Variants in LRBA observed in about 807,000 individuals in gnomAD.
LRBA encodes LPS responsive beige-like anchor protein, also known as lipopolysaccharide-responsive and beige-like anchor protein.
A neutral mutation model predicts 330.0 loss-of-function variants in LRBA; 176 were observed. The observed-to-expected ratio is 0.53, with a 90% CI of 0.47 to 0.60. The LOEUF is 0.60. Ranked by LOEUF, LRBA falls within the 20% of genes least tolerant of loss-of-function variation. The pLI is 0.00. For missense variants in LRBA, 3,259 were observed against 3,444.8 expected (o/e 0.95, Z 1.35); for synonymous variants, 1,230 against 1,193.0 (o/e 1.03, Z -0.64).
At position 150,300,435 on chromosome 4, in the gene LRBA, C is replaced by T. The variant is rs59282048; in HGVS notation, c.8017+2190G>A. Among the ~76,000 whole-genome samples the T allele has an allele frequency of 9.4e-4, 143 of 152,042 alleles. 4 individuals carry two copies. The highest frequency in any genetic ancestry group is 3.3e-3 in the African/African-American group (138 of 41,538). On this transcript the variant is annotated intron_variant, in intron 53 of 56. Transcript: ENST00000651943. ...ACAATGAGAGGGTATAGATGAAGTA[C>T]GCTATGAAAAATATAACATTATAAT...
chr4:150,477,896 A>C (rs1756892443), intron 42 of LRBA, among the ~76,000 whole-genome samples: 1 of 152,088 alleles, frequency 6.6e-6, no homozygotes, highest in Non-Finnish European at 1.5e-5. Flanking sequence ...GAGCCAATGA[A>C]ACCCCCTTTC....
intron 48 of LRBA, among the ~76,000 whole-genome samples, chr4:150,347,645 C>CAA (rs57952007): frequency 7.5e-6 from 1 of 133,866 alleles, no homozygotes; most frequent in Non-Finnish European, 1.6e-5. Context: ...GACTCTGTCT[C>CAA]AAAAAAAAAA....
intron 40 of LRBA, among the ~76,000 whole-genome samples, chr4:150,543,905 A>G (rs959917421): frequency 2.0e-5 from 3 of 152,148 alleles, no homozygotes; most frequent in Non-Finnish European, 2.9e-5. Flanking sequence ...GTTATGACCT[A>G]AAGTTATGAA....
Position 150,893,169 on chromosome 4 carries a change from T to G in LRBA, c.2068-20A>C, listed in dbSNP as rs1350303012. 6.7e-7 allele frequency: 1 copy of G among 1,495,552 alleles called. No individual in the cohort carries two copies. The highest frequency in any genetic ancestry group is 9.1e-7 in the Non-Finnish European group (1 of 1,094,096). The allele number at this position is 1,495,552 out of a possible 1,614,324, so 92.6% of individuals were successfully genotyped here. ...GTCATCCTATAATCATTTTAGAAATTTTTTTTAAAAAATGAGGAAAAAACA... is the reference window on the plus strand; with the variant it reads ...GTCATCCTATAATCATTTTAGAAATGTTTTTTAAAAAATGAGGAAAAAACA... On this transcript the variant is annotated intron_variant, in intron 16 of 56. Coordinates refer to ENST00000651943, the MANE Select transcript of LRBA (RefSeq NM_001364905.1).
At chr4:150,403,417 T>C (rs1745763406) in intron 47 of LRBA, among the ~76,000 whole-genome samples, 1 of 152,214 alleles carries the variant, frequency 6.6e-6, no homozygotes, top group African/African-American at 2.4e-5. Context: ...GACTACCAGC[T>C]GTAACTGGCA....
intron 36 of LRBA, among the ~76,000 whole-genome samples, chr4:150,696,124 G>A (rs1784596836): frequency 6.6e-6 from 1 of 152,126 alleles, no homozygotes; most frequent in Admixed American, 6.5e-5. Context: ...TAGCTACTTG[G>A]GAGGATGAGG....
intron 40 of LRBA, among the ~76,000 whole-genome samples, chr4:150,500,397 G>C (rs1264020910): frequency 6.6e-6 from 1 of 152,006 alleles, no homozygotes; most frequent in African/African-American, 2.4e-5. Flanking sequence ...CCAACATGGT[G>C]AAACCCTGTC....
intron 2 of LRBA, among the ~76,000 whole-genome samples, chr4:150,946,802 T>C (rs1579285825): frequency 6.6e-6 from 1 of 151,852 alleles, no homozygotes; most frequent in Admixed American, 6.6e-5. Flanking sequence ...AGCTAGTTCT[T>C]TGAAAAGATC....
At position 150,905,949 on chromosome 4, in the gene LRBA, G is replaced by A; in HGVS notation, c.1644C>T (p.Cys548=). 6.2e-7 allele frequency: 1 copy of A among 1,613,550 alleles called. No homozygotes were observed. The highest frequency in any genetic ancestry group is 1.3e-5 in the African/African-American group (1 of 74,998). ...TACTCAGATATTTTGAAAATGCAAG[G>A]CAAAGTTCAAGTACTGCTCTGCTAA... The part of the protein sequence containing the change: ...SHVSRAVLEL[C]LAFSKYLSNL... Residue 548 remains cysteine, a synonymous_variant, in exon 13 of 57, where the codon TGC becomes TGT. Transcript: ENST00000651943.
chr4:150,727,281 C>T (rs945131574), intron 36 of LRBA, among the ~76,000 whole-genome samples: 8 of 151,902 alleles, frequency 5.3e-5, no homozygotes, highest in African/African-American at 1.9e-4. Context: ...GCCATGTTGG[C>T]CAGGCTGGTC....
intron 31 of LRBA, among the ~76,000 whole-genome samples, chr4:150,816,508 T>C (rs981380921): frequency 1.3e-4 from 20 of 151,868 alleles, no homozygotes; most frequent in Non-Finnish European, 2.5e-4. Context: ...TGGAAATAAT[T>C]TTTTATCCAT....
chr4:150,504,217 A>G (rs949681135), intron 40 of LRBA, among the ~76,000 whole-genome samples: 2 of 152,158 alleles, frequency 1.3e-5, no homozygotes, highest in African/African-American at 2.4e-5. Context: ...GCAGGCCAAC[A>G]TTCAAATTCA....
intron 34 of LRBA, among the ~76,000 whole-genome samples, chr4:150,769,191 C>A (rs946107935): frequency 2.6e-5 from 4 of 151,930 alleles, no homozygotes; most frequent in Admixed American, 6.6e-5. Context: ...GTAATCCACC[C>A]GCCTCGGCTT....
At chr4:150,850,376 G>C (rs1018565778) in intron 24 of LRBA, among the ~76,000 whole-genome samples, 3 of 152,106 alleles carry the variant, frequency 2.0e-5, no homozygotes, top group Non-Finnish European at 4.4e-5. Flanking sequence ...TTACAGGCTT[G>C]AGCAACTGCG....
chr4:150,717,172 T>C (rs916201806), intron 36 of LRBA, among the ~76,000 whole-genome samples: 1 of 152,250 alleles, frequency 6.6e-6, no homozygotes, highest in Non-Finnish European at 1.5e-5. Flanking sequence ...ATCTGTAAAA[T>C]TGGGCTGAAG....
intron 37 of LRBA, among the ~76,000 whole-genome samples, chr4:150,632,380 C>T (rs562400324): frequency 6.6e-5 from 10 of 152,236 alleles, no homozygotes; most frequent in African/African-American, 2.2e-4. Context: ...GCTCCAAGGA[C>T]ACAATGCTCA....
intron 40 of LRBA, among the ~76,000 whole-genome samples, chr4:150,498,408 AAGG>A (rs1308139319): frequency 6.6e-5 from 10 of 152,214 alleles, no homozygotes; most frequent in African/African-American, 1.9e-4. Context: ...CGTAGTAATG[AAGG>A]AGAAGAACAA....
intron 47 of LRBA, among the ~76,000 whole-genome samples, chr4:150,374,719 G>A (rs1740973834): frequency 6.6e-6 from 1 of 152,110 alleles, no homozygotes; most frequent in South Asian, 2.1e-4. Flanking sequence ...ATTCCAAAAT[G>A]TAAAGGAAAT....
In LRBA at chr4:150,435,575, A is replaced by C. The variant is rs201154634; in HGVS notation, c.7041+14T>G. 53 of 1,595,106 alleles carry C rather than the reference A, an allele frequency of 3.3e-5. 2 individuals carry two copies. In the East Asian group the frequency reaches 1.1e-3, roughly 34 times the overall value. On this transcript the variant is annotated intron_variant, in intron 46 of 56. Coordinates refer to ENST00000651943, the MANE Select transcript of LRBA (RefSeq NM_001364905.1). ...CACTGGCAATAACAACTATAAAACAAAACATTTCTGTACCTTAATATCAGA... is the reference window on the plus strand; with the variant it reads ...CACTGGCAATAACAACTATAAAACACAACATTTCTGTACCTTAATATCAGA...
Sources: allele counts gnomAD v4.1 joint callset (sites outside exome capture counted in the v4.1 genomes callset), GRCh38; gene constraint gnomAD v4.1.1; transcripts MANE v1.5; gene names NCBI Gene and HGNC (gene_info 2026-07-23, HGNC 2026-07-21).